The following DLGAP2 variants were observed in gnomAD, a reference collection of about 807,000 sequenced individuals.
The protein encoded by DLGAP2 is disks large-associated protein 2.
A neutral mutation model predicts 100.3 loss-of-function variants in DLGAP2; 26 were observed. The observed-to-expected ratio is 0.26, with a 90% CI of 0.19 to 0.36. The LOEUF is 0.36. Among genes scored for constraint, DLGAP2 ranks in the 10% least tolerant of loss-of-function variants. DLGAP2 has a pLI of 1.00. For synonymous variants in DLGAP2, 886 were observed against 630.1 expected (o/e 1.41, Z -6.08); for missense variants, 1,858 against 1,453.2 (o/e 1.28, Z -4.53).
At chr8:865,738 G>A (rs1045946153) in intron 1 of DLGAP2, among the ~76,000 whole-genome samples, 2 of 152,220 alleles carry the variant, frequency 1.3e-5, no homozygotes, top group African/African-American at 4.8e-5. Context: ...CTGCGTGGAT[G>A]TCTGCCATGG....
intron 1 of DLGAP2, among the ~76,000 whole-genome samples, chr8:884,534 C>T (rs1040172816): frequency 6.6e-6 from 1 of 151,626 alleles, no homozygotes; most frequent in Non-Finnish European, 1.5e-5. Context: ...GATGTTAGAT[C>T]TTTGTCAGAT....
intron 3 of DLGAP2, among the ~76,000 whole-genome samples, chr8:1,454,302 A>G (rs1798244807): frequency 6.6e-6 from 1 of 151,712 alleles, no homozygotes. Context: ...CAGCTGCTGA[A>G]CAGTAGCATC....
At chr8:1,267,780 G>C (rs1012783515) in intron 3 of DLGAP2, among the ~76,000 whole-genome samples, 1 of 151,922 alleles carries the variant, frequency 6.6e-6, no homozygotes, top group Non-Finnish European at 1.5e-5. Context: ...GCAGATGTCT[G>C]TTGGGGCAGA....
chr8:1,171,701 G>T (rs1056564952), intron 2 of DLGAP2, among the ~76,000 whole-genome samples: 3 of 151,974 alleles, frequency 2.0e-5, no homozygotes, highest in African/African-American at 7.2e-5. Context: ...GACTAGGATT[G>T]CAACCCCTGC....
chr8:1,008,841 C>T (rs1195756530), intron 2 of DLGAP2, among the ~76,000 whole-genome samples: 2 of 152,246 alleles, frequency 1.3e-5, no homozygotes, highest in Admixed American at 1.3e-4. Flanking sequence ...CCCGGGCCTC[C>T]TAGTCCTGAT....
Position 1,417,900 on chromosome 8 carries a change from T to C in DLGAP2, c.107-83466T>C, listed in dbSNP as rs1045287994. On this transcript the variant is annotated intron_variant, in intron 3 of 14. Transcript: ENST00000637795. ...ACACAAAAGTGCAGTTCCAGGAGCC[T>C]TTTGCTCTGATAAAATATTACATTT... Among the ~76,000 whole-genome samples, 31 of 152,226 alleles carry C rather than the reference T, an allele frequency of 2.0e-4. 1 individual carries two copies. Among genetic ancestry groups the C allele is most frequent in the Non-Finnish European group, 4.4e-5 (3 of 68,032 alleles).
intron 2 of DLGAP2, among the ~76,000 whole-genome samples, chr8:1,077,799 CAAG>C (rs552089853): frequency 2.2e-4 from 34 of 152,224 alleles, no homozygotes; most frequent in Non-Finnish European, 4.3e-4. Flanking sequence ...CCCTTTTCCA[CAAG>C]AAGATGCTAG....
intron 1 of DLGAP2, among the ~76,000 whole-genome samples, chr8:778,260 A>G (rs190267796): frequency 1.3e-5 from 2 of 152,126 alleles, no homozygotes; most frequent in East Asian, 1.9e-4. Context: ...AATTTTTTTC[A>G]AAGTTTTCAA....
intron 2 of DLGAP2, among the ~76,000 whole-genome samples, chr8:1,122,941 C>CA (rs1306830517): frequency 6.6e-6 from 1 of 152,176 alleles, no homozygotes; most frequent in Non-Finnish European, 1.5e-5. Flanking sequence ...GAACCTCACA[C>CA]AACAGGAGCT....
chr8:930,456 C>T (rs898187604), intron 2 of DLGAP2, among the ~76,000 whole-genome samples: 4 of 152,218 alleles, frequency 2.6e-5, no homozygotes, highest in African/African-American at 9.7e-5. Flanking sequence ...AACAACACTG[C>T]ATCAGAAGCC....
intron 3 of DLGAP2, among the ~76,000 whole-genome samples, chr8:1,478,933 T>C (rs1799012868): frequency 6.6e-6 from 1 of 152,350 alleles, no homozygotes; most frequent in East Asian, 1.9e-4. Flanking sequence ...TCCTGGAGAC[T>C]GAAGGTCAGG....
At chr8:1,440,952 A>G (rs1270135625) in intron 3 of DLGAP2, among the ~76,000 whole-genome samples, 1 of 152,188 alleles carries the variant, frequency 6.6e-6, no homozygotes, top group African/African-American at 2.4e-5. Flanking sequence ...TTTAATGCAA[A>G]AGCACGTAAG....
At chr8:1,043,539 T>C (rs1802433480) in intron 2 of DLGAP2, among the ~76,000 whole-genome samples, 1 of 152,008 alleles carries the variant, frequency 6.6e-6, no homozygotes, top group Non-Finnish European at 1.5e-5. Flanking sequence ...CAAAGGATTC[T>C]TCAGGAAGCA....
chr8:1,438,849 G>C (rs1176827354), intron 3 of DLGAP2, among the ~76,000 whole-genome samples: 1 of 152,236 alleles, frequency 6.6e-6, no homozygotes, highest in African/African-American at 2.4e-5. Context: ...CTGGTTGGAA[G>C]TGGAATGGGC....
At chr8:1,638,037 G>A (rs577424647) in intron 8 of DLGAP2, among the ~76,000 whole-genome samples, 1 of 152,302 alleles carries the variant, frequency 6.6e-6, no homozygotes, top group East Asian at 1.9e-4. Flanking sequence ...AGGGCACCCG[G>A]CCTGGAGGGA....
chr8:1,318,867 T>C (rs1800829998), intron 3 of DLGAP2, among the ~76,000 whole-genome samples: 1 of 138,296 alleles, frequency 7.2e-6, no homozygotes, highest in South Asian at 2.3e-4. Flanking sequence ...GCAGAGTTAA[T>C]GATGTCCTTT....
At chr8:1,335,977 T>C (rs1040936934) in intron 3 of DLGAP2, among the ~76,000 whole-genome samples, 1 of 152,168 alleles carries the variant, frequency 6.6e-6, no homozygotes, top group Non-Finnish European at 1.5e-5. Context: ...TGGGGCTTTG[T>C]GCTTTTTCCG....
chr8:748,444 CAG>C (rs1820707713), intron 1 of DLGAP2, among the ~76,000 whole-genome samples: 1 of 152,078 alleles, frequency 6.6e-6, no homozygotes, highest in Admixed American at 6.5e-5. Flanking sequence ...TGGGTGGGAA[CAG>C]AGTGGGCCAT....
intron 3 of DLGAP2, among the ~76,000 whole-genome samples, chr8:1,428,544 A>C (rs1391245467): frequency 2.6e-5 from 4 of 151,956 alleles, no homozygotes; most frequent in Admixed American, 2.0e-4. Context: ...TAAGAAAAGA[A>C]AATTATAGGT....
Sources: allele counts gnomAD v4.1 joint callset (sites outside exome capture counted in the v4.1 genomes callset), GRCh38; gene constraint gnomAD v4.1.1; transcripts MANE v1.5; gene names NCBI Gene and HGNC (gene_info 2026-07-23, HGNC 2026-07-21).